CAMK1D: variants seen among roughly 807,000 people sequenced by gnomAD.
The protein encoded by CAMK1D is calcium/calmodulin dependent protein kinase ID.
In CAMK1D, 9 loss-of-function variants were observed where a neutral mutation model predicts 47.7. That is an observed-to-expected ratio of 0.19 (90% CI 0.11 to 0.33). The LOEUF (loss-of-function observed/expected upper bound fraction) is 0.33. Among genes scored for constraint, CAMK1D ranks in the 10% least tolerant of loss-of-function variants. The pLI is 1.00. For missense variants in CAMK1D, 291 were observed against 488.7 expected, an observed-to-expected ratio of 0.60 and a Z score of 3.81; for synonymous variants, 184 against 184.9, an observed-to-expected ratio of 0.99 and a Z score of 0.04.
At chr10:12,727,133 C>T (rs116128981) in intron 3 of CAMK1D, among the ~76,000 whole-genome samples, 2,430 of 152,326 alleles carry the variant, frequency 0.016, 36 homozygotes, top group African/African-American at 0.038. Context: ...GGAGCTGGGG[C>T]TTTACGGTTT....
intron 8 of CAMK1D, among the ~76,000 whole-genome samples, chr10:12,823,743 A>C (rs796311969): frequency 6.6e-6 from 1 of 152,120 alleles, no homozygotes; most frequent in African/African-American, 2.4e-5. Context: ...TGCAGGGTGG[A>C]CGCCGTCCTT....
chr10:12,598,143 G>A (rs2132380150), intron 2 of CAMK1D, among the ~76,000 whole-genome samples: 1 of 152,328 alleles, frequency 6.6e-6, no homozygotes, highest in Admixed American at 6.5e-5. Context: ...ACTCATTCAT[G>A]CCTTGATTTT....
At position 12,760,985 on chromosome 10, in the gene CAMK1D, A is replaced by G. The variant is rs759827266; in HGVS notation, c.337A>G (p.Lys113Glu). Residue 113 changes from lysine (K) to glutamate (E), a missense_variant, in exon 4 of 11, where the codon AAG becomes GAG. Lys to Glu is a moderately conservative substitution (Grantham distance 56, BLOSUM62 1). Around this residue, in one of 2 missense-constraint regions of CAMK1D, gnomAD observed 219 missense variants for 424.3 expected, o/e 0.52. Transcript: ENST00000619168. ...AGAGCTGTTTGACCGGATAGTGGAG[A>G]AGGGGTTTTATACAGAGAAGGATGC... ...GGELFDRIVE[K>E]GFYTEKDAST... is the part of the protein sequence containing the mutation. 1 of 1,613,598 alleles carries G rather than the reference A, an allele frequency of 6.2e-7. No homozygotes were observed. Among genetic ancestry groups the G allele is most frequent in the South Asian group, 1.1e-5 (1 of 91,018 alleles).
intron 1 of CAMK1D, among the ~76,000 whole-genome samples, chr10:12,451,279 C>T (rs887848226): frequency 3.9e-5 from 6 of 152,222 alleles, no homozygotes; most frequent in African/African-American, 1.2e-4. Flanking sequence ...GTGGGCTTCC[C>T]ACGGGTTCCC....
At chr10:12,815,351 G>A (rs1832752585) in intron 7 of CAMK1D, among the ~76,000 whole-genome samples, 1 of 152,190 alleles carries the variant, frequency 6.6e-6, no homozygotes, top group Admixed American at 6.5e-5. Flanking sequence ...ATCATGAATG[G>A]GACAATGCGT....
At position 12,500,903 on chromosome 10, in the gene CAMK1D, T is replaced by A. The variant is rs189261481; in HGVS notation, c.93-52322T>A. Among the ~76,000 whole-genome samples the A allele has an allele frequency of 2.6e-5, 4 of 152,354 alleles. No individual in the cohort carries two copies. In the East Asian group the frequency reaches 7.7e-4, roughly 29 times the overall value. ...TTAACTGCCTATTGTGTGAACACTT[T>A]CGCATAGATTGCTTCAGTGCAGCCT... On this transcript the variant is annotated intron_variant, in intron 1 of 10. Transcript: ENST00000619168.
chr10:12,811,920 C>T (rs1225527178), intron 6 of CAMK1D, among the ~76,000 whole-genome samples: 2 of 152,196 alleles, frequency 1.3e-5, no homozygotes, highest in African/African-American at 2.4e-5. Flanking sequence ...CTGGTGGTTT[C>T]GGAAGCCCTG....
intron 3 of CAMK1D, among the ~76,000 whole-genome samples, chr10:12,707,092 C>T (rs116159895): frequency 1.1e-3 from 173 of 152,230 alleles, no homozygotes; most frequent in African/African-American, 3.8e-3. Flanking sequence ...ATAGGAGTTA[C>T]GGAAGGAGAG....
Position 12,732,809 on chromosome 10 carries a change from G to A in CAMK1D, c.300-28139G>A, listed in dbSNP as rs538705842. On this transcript the variant is annotated intron_variant, in intron 3 of 10. Transcript: ENST00000619168. Reference sequence around the variant, plus strand: ...ATGAGGGGCAATGGTACTAGCATCCGATAGGATCACCTAGAGCCCATGATT... The same window carrying A: ...ATGAGGGGCAATGGTACTAGCATCCAATAGGATCACCTAGAGCCCATGATT... Among the ~76,000 whole-genome samples, 72 of 152,060 alleles carry A rather than the reference G, an allele frequency of 4.7e-4. 1 individual carries two copies. Among genetic ancestry groups the A allele is most frequent in the African/African-American group, 1.4e-3 (57 of 41,430 alleles).
intron 3 of CAMK1D, among the ~76,000 whole-genome samples, chr10:12,721,492 C>A (rs1194026867): frequency 6.7e-6 from 1 of 148,596 alleles, no homozygotes; most frequent in African/African-American, 2.5e-5. Flanking sequence ...ATTTTGTGTT[C>A]TTTCACTGGC....
chr10:12,688,426 C>T (rs1471428392), intron 3 of CAMK1D, among the ~76,000 whole-genome samples: 1 of 151,960 alleles, frequency 6.6e-6, no homozygotes, highest in African/African-American at 2.4e-5. Flanking sequence ...TCTTTAGCCT[C>T]TGGAAAAAAA....
At chr10:12,502,677 A>G (rs753266435) in intron 1 of CAMK1D, among the ~76,000 whole-genome samples, 1 of 152,202 alleles carries the variant, frequency 6.6e-6, no homozygotes, top group African/African-American at 2.4e-5. Flanking sequence ...CTCTTTAGCC[A>G]TGGCCACTCT....
At chr10:12,492,602 T>C (rs753097583) in intron 1 of CAMK1D, among the ~76,000 whole-genome samples, 3 of 152,294 alleles carry the variant, frequency 2.0e-5, no homozygotes, top group East Asian at 1.9e-4. Context: ...AAGACCAGCC[T>C]GGGCAACACA....
intron 6 of CAMK1D, among the ~76,000 whole-genome samples, chr10:12,806,731 G>A (rs1272071708): frequency 6.6e-6 from 1 of 152,132 alleles, no homozygotes; most frequent in African/African-American, 2.4e-5. Context: ...GGTGATTTTT[G>A]TCCATGCCAG....
At chr10:12,384,344 C>G (rs1321471009) in intron 1 of CAMK1D, among the ~76,000 whole-genome samples, 1 of 152,152 alleles carries the variant, frequency 6.6e-6, no homozygotes, top group Non-Finnish European at 1.5e-5. Flanking sequence ...TCTGCAGAAA[C>G]TGAGATGGTG....
intron 3 of CAMK1D, among the ~76,000 whole-genome samples, chr10:12,672,896 C>CTTTTTT (rs750447013): frequency 2.6e-4 from 20 of 76,488 alleles, no homozygotes; most frequent in African/African-American, 1.0e-3. Context: ...ATAGGCTTGC[C>CTTTTTT]TTTTTTTTTT....
intron 1 of CAMK1D, among the ~76,000 whole-genome samples, chr10:12,366,248 C>A (rs77561060): frequency 0.022 from 3,375 of 152,282 alleles, 62 homozygotes; most frequent in Non-Finnish European, 0.032. Context: ...GTATTGTTTT[C>A]ATTTTCGGTT....
intron 3 of CAMK1D, among the ~76,000 whole-genome samples, chr10:12,682,220 AAAAACAAAAC>A (rs142583947): frequency 6.6e-6 from 1 of 151,022 alleles, no homozygotes; most frequent in African/African-American, 2.4e-5. Flanking sequence ...ACTCCATCTC[AAAAACAAAAC>A]AAAACAAAAC....
intron 1 of CAMK1D, among the ~76,000 whole-genome samples, chr10:12,407,290 C>T (rs1446243859): frequency 6.6e-6 from 1 of 152,256 alleles, no homozygotes; most frequent in Non-Finnish European, 1.5e-5. Flanking sequence ...GATCCTGTCA[C>T]CCAGCCCCAG....
Sources: gnomAD v4.1 joint callset for allele counts (sites outside exome capture counted in the v4.1 genomes callset) on GRCh38, gnomAD v4.1.1 for gene constraint, gnomAD v4.1.1 regional missense constraint, MANE v1.5 for transcripts, NCBI Gene and HGNC (gene_info 2026-07-23, HGNC 2026-07-21) for gene names.